Variants in STX6 observed in about 807,000 individuals in gnomAD.
STX6 encodes the protein syntaxin 6, also known as syntaxin-6.
A neutral mutation model predicts 38.0 loss-of-function variants in STX6; 23 were observed. The ratio of observed to expected loss-of-function variants is 0.60; its 90% confidence interval spans 0.43 to 0.86. The LOEUF (loss-of-function observed/expected upper bound fraction) is 0.86. Ranked by LOEUF, STX6 falls within the 40% of genes least tolerant of loss-of-function variation. STX6 has a pLI of 0.00. For synonymous variants in STX6, 123 were observed against 107.5 expected, an observed-to-expected ratio of 1.14 and a Z score of -0.89; for missense variants, 274 against 312.9, an observed-to-expected ratio of 0.88 and a Z score of 0.94.
rs1256315964 is a variant in STX6, at chr1:180,974,867, A to G, written c.*1703T>C. 6.6e-6 allele frequency: 1 copy of G among 152,590 alleles called. No individual in the cohort carries two copies. Among genetic ancestry groups the G allele is most frequent in the Non-Finnish European group, 1.5e-5 (1 of 68,030 alleles). The allele number at this position is 152,590 out of a possible 1,614,324, so 9.5% of individuals were successfully genotyped here. A position where few individuals can be genotyped will look rare whatever the true frequency, so the allele number is the denominator to read the frequency against. On this transcript the variant is annotated 3_prime_UTR_variant, in exon 8 of 8. Transcript: ENST00000258301. Reference sequence around the variant, plus strand: ...GAGCGGAGTGTAAACATGGATGTCAATCACCCTTTTAGTTTCATAAATTTG... The same window carrying G: ...GAGCGGAGTGTAAACATGGATGTCAGTCACCCTTTTAGTTTCATAAATTTG...
At chr1:180,977,844 T>C (rs1655298378) in intron 7 of STX6, among the ~76,000 whole-genome samples, 1 of 152,240 alleles carries the variant, frequency 6.6e-6, no homozygotes, top group Non-Finnish European at 1.5e-5. Flanking sequence ...TTAAATATTA[T>C]GGATATCAAA....
intron 1 of STX6, among the ~76,000 whole-genome samples, chr1:181,008,890 C>G (rs1656314316): frequency 6.6e-6 from 1 of 151,928 alleles, no homozygotes; most frequent in Non-Finnish European, 1.5e-5. Context: ...GCCTGCAAGT[C>G]TGAGAAACCA....
At chr1:180,998,590 A>T (rs1655984280) in intron 3 of STX6, among the ~76,000 whole-genome samples, 1 of 151,992 alleles carries the variant, frequency 6.6e-6, no homozygotes, top group African/African-American at 2.4e-5. Context: ...CATGTTGGCC[A>T]GGGTGGTCTC....
In STX6 at chr1:180,988,312, G is replaced by A; in HGVS notation, c.523C>T (p.Leu175=). 1.2e-6 allele frequency: 2 copies of A among 1,613,910 alleles called. No individual in the cohort carries two copies. The highest frequency in any genetic ancestry group is 1.7e-6 in the Non-Finnish European group (2 of 1,179,898). The stretch of plus-strand genomic sequence containing the variant: ...AGCACCCCGATGCTGCCAGAGACCA[G>A]CTCCAACTGCTCATCCTGCTGTTCC... ...IVEQQDEQLE[L]VSGSIGVLKN... is the part of the protein sequence containing the mutation. Residue 175 remains leucine (L), a synonymous_variant, in exon 6 of 8, where the codon CTG becomes TTG. Coordinates refer to ENST00000258301, the MANE Select transcript of STX6 (RefSeq NM_005819.6).
intron 7 of STX6, among the ~76,000 whole-genome samples, chr1:180,977,358 G>C (rs1292927543): frequency 1.3e-5 from 2 of 152,232 alleles, no homozygotes; most frequent in Non-Finnish European, 2.9e-5. Flanking sequence ...TGAGACAGAA[G>C]GGCCCAGACA....
At chr1:181,019,886 G>A (rs992914424) in intron 1 of STX6, among the ~76,000 whole-genome samples, 2 of 152,176 alleles carry the variant, frequency 1.3e-5, no homozygotes, top group African/African-American at 2.4e-5. Context: ...ATGTAGGCCG[G>A]GCGCGGTGGC....
At chr1:180,989,938 T>C (rs754518919) in intron 5 of STX6, 46 bp downstream of exon 5, 1 of 1,608,490 alleles carries the variant, frequency 6.2e-7, no homozygotes, top group East Asian at 2.2e-5. Flanking sequence ...TAAGGGGGTG[T>C]CTTGTTTCCC....
In STX6 at chr1:181,013,372, G is replaced by A. The variant is rs369202930; in HGVS notation, c.36-7909C>T. Among the ~76,000 whole-genome samples, 89 of 152,298 alleles carry A rather than the reference G, an allele frequency of 5.8e-4. 2 individuals carry two copies. The South Asian group carries it at 0.017, about 29-fold the overall frequency. ...GTCTCACTGTCAACCAGGCTGGAGT[G>A]CAGTGGTGCAATCACAGCTCACTGT... is the stretch of plus-strand genomic sequence containing the variant. On this transcript the variant is annotated intron_variant, in intron 1 of 7. Transcript: ENST00000258301.
At chr1:181,017,056 A>T (rs1013527414) in intron 1 of STX6, among the ~76,000 whole-genome samples, 2 of 150,346 alleles carry the variant, frequency 1.3e-5, no homozygotes, top group Non-Finnish European at 3.0e-5. Context: ...TGGGTGACAG[A>T]ATGAGACTCT....
At chr1:180,993,573 T>A in intron 3 of STX6, 148 bp from the exon 4 acceptor site, 4 of 542,610 alleles carry the variant, frequency 7.4e-6, no homozygotes, top group Non-Finnish European at 1.3e-5. Flanking sequence ...GTCTCAAAAA[T>A]AAAGAAAATA....
rs1656786489 is a variant in STX6 at position 181,022,830 on chromosome 1, G to A, written c.-157C>T. On this transcript the variant is annotated 5_prime_UTR_variant, in exon 1 of 8. Coordinates refer to ENST00000258301, the MANE Select transcript of STX6 (RefSeq NM_005819.6). ...CGCGCACAGGCCAGGTGCACAGGAC[G>A]GCCGCTGGTCCAGCACTCGCTCAGC... is the stretch of plus-strand genomic sequence containing the variant. 4 of 678,456 alleles carry A rather than the reference G, an allele frequency of 5.9e-6. No individual in the cohort carries two copies. Among genetic ancestry groups the A allele is most frequent in the Non-Finnish European group, 9.9e-6 (4 of 404,252 alleles). The allele number at this position is 678,456 out of a possible 1,614,324, so 42.0% of individuals were successfully genotyped here. A position where few individuals can be genotyped will look rare whatever the true frequency, so the allele number is the denominator to read the frequency against.
rs1308453591 is a variant in STX6 at position 181,000,313 on chromosome 1, A to G, written c.300+2293T>C. Among the ~76,000 whole-genome samples the G allele has an allele frequency of 2.6e-5, 4 of 152,234 alleles. No homozygotes were observed. In the East Asian group the frequency reaches 7.7e-4, roughly 29 times the overall value. ...AGAACTGCCCGAGACTGGGTAATTT[A>G]TAAGAGAAAGAGGTTTAATTGACTC... On this transcript the variant is annotated intron_variant, in intron 3 of 7. Coordinates refer to ENST00000258301, the MANE Select transcript of STX6 (RefSeq NM_005819.6).
intron 1 of STX6, among the ~76,000 whole-genome samples, chr1:181,008,675 A>C (rs1466232410): frequency 6.7e-6 from 1 of 150,230 alleles, no homozygotes; most frequent in Non-Finnish European, 1.5e-5. Flanking sequence ...AGAAAAACTT[A>C]AGTGTTGGAA....
intron 7 of STX6, among the ~76,000 whole-genome samples, chr1:180,977,776 A>G (rs1655297136): frequency 6.6e-6 from 1 of 152,238 alleles, no homozygotes; most frequent in African/African-American, 2.4e-5. Flanking sequence ...AAAGATCTCA[A>G]TCTATGAAAA....
Position 181,005,352 on chromosome 1 carries a change from C to T in STX6, c.147G>A (p.Glu49=). 1 of 1,614,128 alleles carries T rather than the reference C, an allele frequency of 6.2e-7. No homozygotes were observed. The highest frequency in any genetic ancestry group is 8.5e-7 in the Non-Finnish European group (1 of 1,180,000). The change falls in exon 2 of 8, where the codon GAG becomes GAA. Residue 49 remains glutamate (E), a synonymous_variant. Coordinates refer to ENST00000258301, the MANE Select transcript of STX6 (RefSeq NM_005819.6). Reference sequence around the variant, plus strand: ...CTATGCTCCGGAGGTTATTTCTCAGCTCGTTGGTGGTCCAGTCGATTTCTT... The same window carrying T: ...CTATGCTCCGGAGGTTATTTCTCAGTTCGTTGGTGGTCCAGTCGATTTCTT... ...TREEIDWTTN[E]LRNNLRSIEW...
chr1:180,992,246 T>C (rs1655775677), intron 4 of STX6, among the ~76,000 whole-genome samples: 1 of 151,924 alleles, frequency 6.6e-6, no homozygotes, highest in African/African-American at 2.4e-5. Flanking sequence ...GCAAATAAGA[T>C]TAAAAAGCCA....
Position 180,998,861 on chromosome 1 carries a change from A to G in STX6, c.300+3745T>C, listed in dbSNP as rs112143286. 4.0e-3 allele frequency among the ~76,000 whole-genome samples: 606 copies of G among 152,370 alleles called. 6 individuals are homozygous for G. The highest frequency in any genetic ancestry group is 0.013 in the African/African-American group (560 of 41,592). On this transcript the variant is annotated intron_variant, in intron 3 of 7. Transcript: ENST00000258301. ...ATCTTCTTTCTAACACATGACGTTT[A>G]GAACCAGCAGTCAAGCAACAAGTCC...
At chr1:180,980,533 T>C (rs1176776087) in intron 7 of STX6, 2 of 113,296 alleles carry the variant, frequency 1.8e-5, no homozygotes, top group Admixed American at 2.0e-4. Flanking sequence ...TATGTCCATA[T>C]AAAAACCTGC....
At chr1:180,984,588 ATC>A (rs1655517252) in intron 7 of STX6, 87 bp downstream of exon 7, 4 of 529,144 alleles carry the variant, frequency 7.6e-6, no homozygotes, top group Non-Finnish European at 1.4e-5. Context: ...TAAGAAAGGG[ATC>A]TGGATGGGCA....
Sources: allele counts gnomAD v4.1 joint callset (sites outside exome capture counted in the v4.1 genomes callset), GRCh38; gene constraint gnomAD v4.1.1; transcripts MANE v1.5; gene names NCBI Gene and HGNC (gene_info 2026-07-23, HGNC 2026-07-21).